PTPRG: variants seen among roughly 807,000 people sequenced by gnomAD.
PTPRG encodes the protein receptor-type tyrosine-protein phosphatase gamma.
A neutral mutation model predicts 165.3 loss-of-function variants in PTPRG; 102 were observed. That is an observed-to-expected ratio of 0.62 (90% CI 0.53 to 0.73). The LOEUF is 0.73. PTPRG is among the 30% of genes least tolerant of loss of function. PTPRG has a pLI of 0.00. For synonymous variants in PTPRG, 675 were observed against 669.5 expected, an observed-to-expected ratio of 1.01 and a Z score of -0.13; for missense variants, 1,866 against 1,861.4, an observed-to-expected ratio of 1.00 and a Z score of -0.05.
intron 2 of PTPRG, among the ~76,000 whole-genome samples, chr3:61,948,097 G>A (rs2039808350): frequency 1.3e-5 from 2 of 152,114 alleles, no homozygotes; most frequent in Admixed American, 6.5e-5. Flanking sequence ...GGTGGAGGCG[G>A]GTGGATCACC....
rs377521009 is a variant in PTPRG, at chr3:61,708,891, G to A, written c.86-39987G>A. 1.1e-4 allele frequency among the ~76,000 whole-genome samples: 16 copies of A among 152,306 alleles called. No individual in the cohort carries two copies. The East Asian group carries it at 2.5e-3, about 24-fold the overall frequency. On this transcript the variant is annotated intron_variant, in intron 1 of 29. Coordinates refer to ENST00000474889, the MANE Select transcript of PTPRG (RefSeq NM_002841.4). ...AGGTGGTTTAGAGCCTTTCAGGGGCGCACTTGCCCTAAACCAAAATCAAAC... is the reference window on the plus strand; with the variant it reads ...AGGTGGTTTAGAGCCTTTCAGGGGCACACTTGCCCTAAACCAAAATCAAAC...
rs571792743 is a variant in PTPRG at position 61,691,510 on chromosome 3, A to G, written c.86-57368A>G. ...AGGACCATCCTAAATATGTATGTATATCTCTGTGTGTGTCTGTGTAATTGC... is the reference window on the plus strand; with the variant it reads ...AGGACCATCCTAAATATGTATGTATGTCTCTGTGTGTGTCTGTGTAATTGC... On this transcript the variant is annotated intron_variant, in intron 1 of 29. Transcript: ENST00000474889. Among the ~76,000 whole-genome samples, 3 of 152,324 alleles carry G rather than the reference A, an allele frequency of 2.0e-5. No individual in the cohort carries two copies. The South Asian group carries it at 6.2e-4, about 32-fold the overall frequency.
chr3:62,056,188 C>T (rs772343510), intron 4 of PTPRG, among the ~76,000 whole-genome samples: 7 of 152,176 alleles, frequency 4.6e-5, no homozygotes, highest in East Asian at 1.9e-4. Context: ...GGATTGACTT[C>T]GAATATGCCC....
At chr3:61,566,185 G>A (rs1462001619) in intron 1 of PTPRG, among the ~76,000 whole-genome samples, 3 of 152,238 alleles carry the variant, frequency 2.0e-5, no homozygotes, top group Non-Finnish European at 2.9e-5. Flanking sequence ...GTTGGCTGAT[G>A]TGGGAAAAGT....
intron 6 of PTPRG, among the ~76,000 whole-genome samples, chr3:62,148,194 C>T (rs112282196): frequency 1.1e-4 from 16 of 152,036 alleles, no homozygotes; most frequent in African/African-American, 2.9e-4. Context: ...GGGGCTCAGG[C>T]GGTGACATTT....
intron 21 of PTPRG, among the ~76,000 whole-genome samples, chr3:62,272,634 A>G (rs1024878342): frequency 6.6e-6 from 1 of 152,168 alleles, no homozygotes; most frequent in African/African-American, 2.4e-5. Context: ...ACCTGAGGTC[A>G]GGAGTTCGAT....
chr3:61,671,896 G>A (rs536330729), intron 1 of PTPRG, among the ~76,000 whole-genome samples: 114 of 146,730 alleles, frequency 7.8e-4, no homozygotes, highest in African/African-American at 1.9e-3. Context: ...GGGCGGGGGG[G>A]GCTGATCCCC....
chr3:61,933,428 A>G lies in PTPRG; in HGVS notation c.191-56197A>G, dbSNP rs376974886. Among the ~76,000 whole-genome samples, 15 of 152,318 alleles carry G rather than the reference A, an allele frequency of 9.8e-5. No homozygotes were observed. In the East Asian group the frequency reaches 2.7e-3, roughly 27 times the overall value. ...AACCACTGTAAGACTCAGTTTTCTCATCTATAAAATAGTCATGATGAGAGT... is the reference window on the plus strand; with the variant it reads ...AACCACTGTAAGACTCAGTTTTCTCGTCTATAAAATAGTCATGATGAGAGT... On this transcript the variant is annotated intron_variant, in intron 2 of 29. Coordinates refer to ENST00000474889, the MANE Select transcript of PTPRG (RefSeq NM_002841.4).
intron 1 of PTPRG, among the ~76,000 whole-genome samples, chr3:61,668,378 T>G (rs759198588): frequency 2.0e-5 from 3 of 152,156 alleles, no homozygotes; most frequent in Non-Finnish European, 2.9e-5. Context: ...GTGTGAACTC[T>G]CTATAGTACT....
Position 62,047,796 on chromosome 3 carries a change from T to A in PTPRG, c.520-30367T>A, listed in dbSNP as rs113588323. On this transcript the variant is annotated intron_variant, in intron 4 of 29. Coordinates refer to ENST00000474889, the MANE Select transcript of PTPRG (RefSeq NM_002841.4). ...ATATAAATCATTCCAGCAGGGGCCT[T>A]TGAGTTCATAAATGCAATCAGCTTT... Among the ~76,000 whole-genome samples the A allele has an allele frequency of 2.9e-3, 437 of 152,302 alleles. 1 individual carries two copies. The highest frequency in any genetic ancestry group is 9.9e-3 in the African/African-American group (413 of 41,554).
Position 61,583,580 on chromosome 3 carries a change from A to G in PTPRG, c.85+21208A>G, listed in dbSNP as rs113045875. Among the ~76,000 whole-genome samples the G allele has an allele frequency of 1.7e-3, 265 of 151,856 alleles. 2 individuals are homozygous for G. The highest frequency in any genetic ancestry group is 6.0e-3 in the African/African-American group (249 of 41,392). On this transcript the variant is annotated intron_variant, in intron 1 of 29. Transcript: ENST00000474889. ...ATTCTTTGCTAATAGGACCTTTGCTACTCTTTGGGTATTGATCTCCTCTCC... is the reference window on the plus strand; with the variant it reads ...ATTCTTTGCTAATAGGACCTTTGCTGCTCTTTGGGTATTGATCTCCTCTCC...
intron 1 of PTPRG, among the ~76,000 whole-genome samples, chr3:61,684,016 A>G (rs189529248): frequency 4.6e-5 from 7 of 152,328 alleles, no homozygotes; most frequent in African/African-American, 1.7e-4. Flanking sequence ...TGACATAAAC[A>G]TGGTCTTGCA....
chr3:61,818,897 A>AAATATTGAATAGTGAAATAGTG (rs2035873653), intron 2 of PTPRG, among the ~76,000 whole-genome samples: 2 of 101,908 alleles, frequency 2.0e-5, no homozygotes, highest in African/African-American at 7.7e-5. Context: ...GTGAATAGTG[A>AAATATTGAATAGTGAAATAGTG]AATAGTGAAA....
intron 2 of PTPRG, among the ~76,000 whole-genome samples, chr3:61,754,125 G>A (rs2033551994): frequency 6.6e-6 from 1 of 152,152 alleles, no homozygotes; most frequent in Admixed American, 6.5e-5. Flanking sequence ...AATTGAAATA[G>A]GCAGTGACCA....
chr3:61,829,548 G>A (rs568450828), intron 2 of PTPRG, among the ~76,000 whole-genome samples: 1 of 152,350 alleles, frequency 6.6e-6, no homozygotes, highest in South Asian at 2.1e-4. Flanking sequence ...TACTCCAAAA[G>A]CAAATACTGT....
intron 2 of PTPRG, among the ~76,000 whole-genome samples, chr3:61,887,773 T>G (rs1470159434): frequency 6.6e-6 from 1 of 150,702 alleles, no homozygotes; most frequent in African/African-American, 2.4e-5. Context: ...AGGGCAAAAA[T>G]GAAGACCTCA....
At chr3:62,186,463 G>A (rs1007843921) in intron 8 of PTPRG, among the ~76,000 whole-genome samples, 12 of 152,068 alleles carry the variant, frequency 7.9e-5, no homozygotes, top group African/African-American at 2.7e-4. Flanking sequence ...GAGGGTGATG[G>A]GCACACAGGG....
chr3:62,289,515 T>TAATA (rs1342157241), intron 28 of PTPRG, among the ~76,000 whole-genome samples: 1 of 152,122 alleles, frequency 6.6e-6, no homozygotes, highest in African/African-American at 2.4e-5. Flanking sequence ...AAAAGCTGTC[T>TAATA]AATAAAACCC....
chr3:62,189,097 T>C (rs952513017), intron 8 of PTPRG, among the ~76,000 whole-genome samples: 3 of 152,178 alleles, frequency 2.0e-5, no homozygotes, highest in African/African-American at 7.2e-5. Flanking sequence ...CTTTGTTTGA[T>C]GTCCCTTCTC....
Sources: allele counts gnomAD v4.1 joint callset (sites outside exome capture counted in the v4.1 genomes callset), GRCh38; gene constraint gnomAD v4.1.1; transcripts MANE v1.5; gene names NCBI Gene and HGNC (gene_info 2026-07-23, HGNC 2026-07-21).